Variants in FAM227B observed in about 807,000 individuals in gnomAD.
FAM227B encodes the protein family with sequence similarity 227 member B.
FAM227B carries 88 observed loss-of-function variants against 73.8 expected under a neutral mutation model. The observed-to-expected ratio is 1.19, with a 90% CI of 1.00 to 1.42. The LOEUF is 1.42. Ranked by LOEUF, FAM227B falls within the 40% of genes most tolerant of loss-of-function variation. The pLI is 0.00. For synonymous variants in FAM227B, 210 were observed against 190.5 expected, an observed-to-expected ratio of 1.10 and a Z score of -0.84; for missense variants, 632 against 590.9, an observed-to-expected ratio of 1.07 and a Z score of -0.72.
At chr15:49,395,413 A>G (rs2047510939) in intron 11 of FAM227B, among the ~76,000 whole-genome samples, 1 of 152,190 alleles carries the variant, frequency 6.6e-6, no homozygotes, top group Non-Finnish European at 1.5e-5. Flanking sequence ...ACAACGGGCA[A>G]GGGAGAGGCT....
At chr15:49,352,221 C>T (rs2042357616) in intron 13 of FAM227B, among the ~76,000 whole-genome samples, 1 of 152,192 alleles carries the variant, frequency 6.6e-6, no homozygotes, top group African/African-American at 2.4e-5. Flanking sequence ...CAGGCAGAAG[C>T]TGTAAAGCCA....
At chr15:49,474,186 T>A (rs1405188046) in intron 11 of FAM227B, among the ~76,000 whole-genome samples, 2 of 152,186 alleles carry the variant, frequency 1.3e-5, no homozygotes, top group Admixed American at 1.3e-4. Context: ...CTATTCTGTC[T>A]TAGGCTATCT....
intron 14 of FAM227B, among the ~76,000 whole-genome samples, chr15:49,332,356 GAA>G (rs985912720): frequency 2.2e-4 from 33 of 152,356 alleles, no homozygotes; most frequent in African/African-American, 7.5e-4. Context: ...ACACAGGAAA[GAA>G]AGAGAGGGAG....
At chr15:49,477,028 C>A (rs1462844191) in intron 11 of FAM227B, among the ~76,000 whole-genome samples, 1 of 150,996 alleles carries the variant, frequency 6.6e-6, no homozygotes, top group Non-Finnish European at 1.5e-5. Flanking sequence ...CCACTGCACT[C>A]CAGCCTGGGC....
chr15:49,332,114 CACACAT>C (rs1249907379), intron 14 of FAM227B, among the ~76,000 whole-genome samples: 1 of 149,252 alleles, frequency 6.7e-6, no homozygotes, highest in African/African-American at 2.5e-5. Flanking sequence ...CACACACACA[CACACAT>C]CCACAACAGT....
At chr15:49,577,392 C>A in intron 6 of FAM227B, 1 of 430,432 alleles carries the variant, frequency 2.3e-6, no homozygotes, top group African/African-American at 2.0e-5. Context: ...AAAATAAAAA[C>A]AAAATCATAT....
chr15:49,544,264 A>C (rs2152280857), intron 9 of FAM227B, among the ~76,000 whole-genome samples: 1 of 151,978 alleles, frequency 6.6e-6, no homozygotes, highest in East Asian at 1.9e-4. Context: ...TTATATTTGC[A>C]GCTGTTGTAA....
At chr15:49,526,987 G>A (rs1371287746) in intron 10 of FAM227B, among the ~76,000 whole-genome samples, 1 of 151,796 alleles carries the variant, frequency 6.6e-6, no homozygotes, top group African/African-American at 2.4e-5. Context: ...CAATCTTATT[G>A]AAACTACTCC....
intron 13 of FAM227B, among the ~76,000 whole-genome samples, chr15:49,336,704 A>C (rs1281087979): frequency 1.3e-5 from 2 of 152,260 alleles, no homozygotes; most frequent in Non-Finnish European, 2.9e-5. Context: ...TTTCTAAAAA[A>C]TAATTTCAAC....
At position 49,538,263 on chromosome 15, in the gene FAM227B, T is replaced by C. The variant is rs546870357; in HGVS notation, c.874+3417A>G. Reference sequence around the variant, plus strand: ...CTCTACCACCGCCAAGACCAATCCCTGTTTTTCCTCCTTTTCCTCAGCCTA... The same window carrying C: ...CTCTACCACCGCCAAGACCAATCCCCGTTTTTCCTCCTTTTCCTCAGCCTA... On this transcript the variant is annotated intron_variant, in intron 10 of 15. Coordinates refer to ENST00000299338, the MANE Select transcript of FAM227B (RefSeq NM_152647.3). 4.6e-5 allele frequency among the ~76,000 whole-genome samples: 7 copies of C among 152,306 alleles called. No homozygotes were observed. In the South Asian group the frequency reaches 1.5e-3, roughly 32 times the overall value.
intron 11 of FAM227B, among the ~76,000 whole-genome samples, chr15:49,387,991 CAAATG>C (rs1418354489): frequency 1.3e-5 from 2 of 151,734 alleles, no homozygotes; most frequent in African/African-American, 4.8e-5. Context: ...ATGACAGAAA[CAAATG>C]AAAACACATT....
intron 3 of FAM227B, among the ~76,000 whole-genome samples, chr15:49,605,763 T>G (rs1008320219): frequency 6.6e-6 from 1 of 151,338 alleles, no homozygotes; most frequent in African/African-American, 2.4e-5. Flanking sequence ...GGTGCTGGAG[T>G]GGGCCTGGAG....
intron 1 of FAM227B, among the ~76,000 whole-genome samples, chr15:49,618,878 C>T (rs975355496): frequency 6.6e-6 from 1 of 152,140 alleles, no homozygotes; most frequent in Non-Finnish European, 1.5e-5. Context: ...TTTTCTTTAA[C>T]CTAGAATGTG....
At chr15:49,511,808 C>T (rs1468022976) in intron 10 of FAM227B, among the ~76,000 whole-genome samples, 4 of 152,120 alleles carry the variant, frequency 2.6e-5, no homozygotes, top group African/African-American at 9.7e-5. Flanking sequence ...GGTTGCATAG[C>T]ATTCCATGGT....
intron 9 of FAM227B, among the ~76,000 whole-genome samples, chr15:49,566,017 T>C (rs2152345605): frequency 6.6e-6 from 1 of 152,314 alleles, no homozygotes; most frequent in East Asian, 1.9e-4. Context: ...TTTAGCCCTG[T>C]AAGACTCATT....
intron 3 of FAM227B, among the ~76,000 whole-genome samples, chr15:49,608,236 T>C (rs2077650223): frequency 6.6e-6 from 1 of 152,176 alleles, no homozygotes; most frequent in South Asian, 2.1e-4. Context: ...AAGAAGAACA[T>C]TTACCTTGTT....
At chr15:49,358,423 A>C (rs2151378262) in intron 13 of FAM227B, among the ~76,000 whole-genome samples, 1 of 131,982 alleles carries the variant, frequency 7.6e-6, no homozygotes, top group South Asian at 2.6e-4. Context: ...AAAAATCACA[A>C]GCATTCTTAT....
chr15:49,483,002 T>G (rs1481222677), intron 11 of FAM227B: 8 of 650,784 alleles, frequency 1.2e-5, no homozygotes, highest in African/African-American at 1.1e-4. Flanking sequence ...GTGTATCTGT[T>G]GTGGGTCAGG....
intron 11 of FAM227B, among the ~76,000 whole-genome samples, chr15:49,465,998 T>C (rs754570674): frequency 4.6e-5 from 7 of 152,178 alleles, no homozygotes; most frequent in Non-Finnish European, 8.8e-5. Context: ...GTCTACAACC[T>C]AGATTTAAAA....
Sources: gnomAD v4.1 joint callset for allele counts (sites outside exome capture counted in the v4.1 genomes callset) on GRCh38, gnomAD v4.1.1 for gene constraint, MANE v1.5 for transcripts, NCBI Gene and HGNC (gene_info 2026-07-23, HGNC 2026-07-21) for gene names.